ARAP1: variants seen among roughly 807,000 people sequenced by gnomAD.
ARAP1 encodes arf-GAP with Rho-GAP domain, ANK repeat and PH domain-containing protein 1.
In ARAP1, 76 loss-of-function variants were observed where a neutral mutation model predicts 172.2. The ratio of observed to expected loss-of-function variants is 0.44; its 90% CI spans 0.37 to 0.53. The LOEUF (loss-of-function observed/expected upper bound fraction) is 0.53. ARAP1 is among the 20% of genes least tolerant of loss of function. ARAP1 has a pLI of 0.00. For synonymous variants in ARAP1, 804 were observed against 803.3 expected (o/e 1.00, Z -0.01); for missense variants, 1,686 against 1,977.5 (o/e 0.85, Z 2.80).
intron 1 of ARAP1, among the ~76,000 whole-genome samples, chr11:72,748,574 C>CCCAG (rs1431159621): frequency 1.3e-5 from 2 of 152,108 alleles, no homozygotes; most frequent in Non-Finnish European, 2.9e-5. Context: ...CACGTCCCCT[C>CCCAG]CCAGCCACTC....
In ARAP1 at chr11:72,693,517, C is replaced by A. The variant is rs528821646; in HGVS notation, c.3809-47G>T. 6.3e-7 allele frequency: 1 copy of A among 1,586,812 alleles called. No homozygotes were observed. Among genetic ancestry groups the A allele is most frequent in the South Asian group, 1.1e-5 (1 of 88,064 alleles). ...GGCACAGGCTGCACCAACCCCTACCCGGGGCTGGGTCCCAGGATGAAGGAA... is the reference window on the plus strand; with the variant it reads ...GGCACAGGCTGCACCAACCCCTACCAGGGGCTGGGTCCCAGGATGAAGGAA... On this transcript the variant is annotated intron_variant, in intron 28 of 34. Coordinates refer to ENST00000393609, the MANE Select transcript of ARAP1 (RefSeq NM_001040118.3). This position sits in a 1 kb window ranked among gnomAD's most constrained non-coding sequence, Gnocchi z 4.6.
intron 16 of ARAP1, chr11:72,700,646 G>T (rs930342218): frequency 2.0e-5 from 3 of 152,260 alleles, no homozygotes; most frequent in Non-Finnish European, 4.4e-5. Flanking sequence ...GTCCCAGTGG[G>T]GTACAGAGAA....
In ARAP1 at chr11:72,711,439, G is replaced by A. The variant is rs1298226943; in HGVS notation, c.1083C>T (p.Asp361=). The A allele has an allele frequency of 1.9e-6, 3 of 1,612,574 alleles. No homozygotes were observed. Among genetic ancestry groups the A allele is most frequent in the Non-Finnish European group, 1.7e-6 (2 of 1,178,682 alleles). ...RLDTDHLRYF[D]SNKDAYSKRF... ...CTGATGCAGGCCTCACCTTGTTACT[G>A]TCAAAGTATCGCAGGTGATCAGTAT... The change falls in exon 8 of 35, where the codon GAC becomes GAT. Residue 361 remains aspartate (D), a synonymous_variant. Transcript: ENST00000393609.
intron 3 of ARAP1, 43 bp from the exon 4 acceptor site, chr11:72,714,364 C>G: frequency 6.5e-7 from 1 of 1,528,944 alleles, no homozygotes; most frequent in Non-Finnish European, 8.8e-7. Flanking sequence ...GCAACAGAGC[C>G]AAGACTGAAA....
At chr11:72,703,173 T>A in intron 14 of ARAP1, 94 bp from the exon 15 acceptor site, 34 of 1,191,238 alleles carry the variant, frequency 2.9e-5, no homozygotes, top group Non-Finnish European at 3.5e-5. Flanking sequence ...AAGGAAGGAG[T>A]CACCCAGGCC....
chr11:72,714,606 T>A (rs1857195202), intron 3 of ARAP1, among the ~76,000 whole-genome samples: 1 of 152,036 alleles, frequency 6.6e-6, no homozygotes, highest in African/African-American at 2.4e-5. Flanking sequence ...GTCTCCACAC[T>A]GAAGGAGGGA....
chr11:72,695,654 A>G lies in ARAP1; in HGVS notation c.3421-26T>C. On this transcript the variant is annotated intron_variant, in intron 24 of 34. Transcript: ENST00000393609. The surrounding 1 kb of genome is among the most constrained non-coding windows in gnomAD (Gnocchi z 4.4). The stretch of plus-strand genomic sequence containing the variant: ...CTGGGAAGGGGCGAGAGGCAGGGAC[A>G]GGTGGTCACCGTCATCTGCAAGGAT... 1 of 1,614,042 alleles carries G rather than the reference A, an allele frequency of 6.2e-7. No homozygotes were observed. Among genetic ancestry groups the G allele is most frequent in the Non-Finnish European group, 8.5e-7 (1 of 1,179,978 alleles).
rs1321172883 is a variant in ARAP1, at chr11:72,710,182, A to C, written c.1416+203T>G. Among the ~76,000 whole-genome samples, 2 of 151,374 alleles carry C rather than the reference A, an allele frequency of 1.3e-5. No individual in the cohort carries two copies. The highest frequency in any genetic ancestry group is 2.9e-5 in the Non-Finnish European group (2 of 67,818). ...CAATGAACAGAGGTGCGGGGGAGCA[A>C]GGGCCAGGGCAGGGACTGGAGGGCA... is the stretch of plus-strand genomic sequence containing the variant. On this transcript the variant is annotated intron_variant, in intron 10 of 34. Coordinates refer to ENST00000393609, the MANE Select transcript of ARAP1 (RefSeq NM_001040118.3). The surrounding 1 kb of genome is among the most constrained non-coding windows in gnomAD (Gnocchi z 4.3).
chr11:72,749,889 C>G (rs1858485431), intron 1 of ARAP1, among the ~76,000 whole-genome samples: 1 of 151,056 alleles, frequency 6.6e-6, no homozygotes. Context: ...AAAAAAAGTT[C>G]CCTCTCCCTC....
At chr11:72,744,416 C>T (rs990580548) in intron 1 of ARAP1, among the ~76,000 whole-genome samples, 5 of 152,190 alleles carry the variant, frequency 3.3e-5, no homozygotes, top group Admixed American at 6.5e-5. Context: ...CCTCCCATTC[C>T]ACCCAGTCCC....
At chr11:72,748,483 A>G (rs624030) in intron 1 of ARAP1, among the ~76,000 whole-genome samples, 107,119 of 151,204 alleles carry the variant, frequency 0.71, 38,817 homozygotes, top group African/African-American at 0.85. Context: ...TCATGCCACC[A>G]CACTTGAGCC....
In ARAP1 at chr11:72,697,235, T is replaced by G. The variant is rs368656407; in HGVS notation, c.2954-40A>C. ...GGCCAAGCGTTCGGGGCCTGAGGCA[T>G]AGAGTCATGGGGCGGGGCCGCGCAG... is the stretch of plus-strand genomic sequence containing the variant. On this transcript the variant is annotated intron_variant, in intron 21 of 34. Coordinates refer to ENST00000393609, the MANE Select transcript of ARAP1 (RefSeq NM_001040118.3). 55 of 1,587,714 alleles carry G rather than the reference T, an allele frequency of 3.5e-5. 2 individuals are homozygous for G. The Admixed American group carries it at 9.1e-4, about 26-fold the overall frequency.
chr11:72,695,282 C>T lies in ARAP1; in HGVS notation c.3576+105G>A, dbSNP rs1278365115. ...GCACCAGCCAGATACAGGTCCCAAA[C>T]TGGTCCTCTCCTCGGGGTAGAAGCA... On this transcript the variant is annotated intron_variant, in intron 26 of 34. Transcript: ENST00000393609. This position sits in a 1 kb window ranked among gnomAD's most constrained non-coding sequence, Gnocchi z 4.4. The T allele has an allele frequency of 2.7e-6, 4 of 1,491,496 alleles. No homozygotes were observed. Among genetic ancestry groups the T allele is most frequent in the Non-Finnish European group, 3.7e-6 (4 of 1,077,796 alleles). 92.4% of individuals were successfully genotyped at this position (1,491,496 alleles called of 1,614,324 possible).
In ARAP1 at chr11:72,749,885, A is replaced by AAT. The variant is rs142489578; in HGVS notation, c.-128+2442_-128+2443insAT. ...GACTCCGTCTCAAAAAAAAAAAAAA[A>AAT]GTTCCCTCTCCCTCTCTCCCCTTTC... On this transcript the variant is annotated intron_variant, in intron 1 of 34. Coordinates refer to ENST00000393609, the MANE Select transcript of ARAP1 (RefSeq NM_001040118.3). 1.1e-4 allele frequency among the ~76,000 whole-genome samples: 17 copies of AAT among 150,638 alleles called. 1 individual carries two copies. Among genetic ancestry groups the AAT allele is most frequent in the East Asian group, 3.9e-4 (2 of 5,148 alleles).
intron 1 of ARAP1, among the ~76,000 whole-genome samples, chr11:72,737,513 C>G (rs7122017): frequency 0.14 from 20,749 of 152,156 alleles, 1,776 homozygotes; most frequent in African/African-American, 0.23. Flanking sequence ...AAGAAGATGA[C>G]CCAGAGCCTT....
chr11:72,718,907 A>T lies in ARAP1; in HGVS notation c.510-4586T>A, dbSNP rs576456112. On this transcript the variant is annotated intron_variant, in intron 3 of 34. Coordinates refer to ENST00000393609, the MANE Select transcript of ARAP1 (RefSeq NM_001040118.3). ...TCCAGCACTCAGCAGGGACTTACAA[A>T]CACCTGGATTCATTAACTCTGTGTG... 1.6e-4 allele frequency among the ~76,000 whole-genome samples: 25 copies of T among 152,212 alleles called. No individual in the cohort carries two copies. The South Asian group carries it at 2.7e-3, about 16-fold the overall frequency.
chr11:72,687,244 C>T, intron 33 of ARAP1, 195 bp downstream of exon 33: 1 of 691,872 alleles, frequency 1.4e-6, no homozygotes, highest in Non-Finnish European at 2.5e-6. Context: ...CTGTCCCTAG[C>T]ATCCCTGGCT....
chr11:72,703,049 G>C lies in ARAP1; in HGVS notation c.2023C>G (p.Leu675Val). 1 of 1,595,898 alleles carries C rather than the reference G, an allele frequency of 6.3e-7. No homozygotes were observed. Among genetic ancestry groups the C allele is most frequent in the Non-Finnish European group, 8.5e-7 (1 of 1,172,746 alleles). ...CCCAGGAGCGCCTGGGTCTCAGCCA[G>C]GTCTGTGGTGGTGACTGCAGCACAC... ...ALCAAVTTTD[L>V]AETQALLGCG... Residue 675 changes from leucine (L) to valine (V), a missense_variant, in exon 15 of 35, where the codon CTG becomes GTG. Physicochemically the swap from Leu to Val is conservative, Grantham distance 32. Coordinates refer to ENST00000393609, the MANE Select transcript of ARAP1 (RefSeq NM_001040118.3).
intron 1 of ARAP1, among the ~76,000 whole-genome samples, chr11:72,743,574 T>C (rs59414438): frequency 0.024 from 3,670 of 151,856 alleles, 145 homozygotes; most frequent in African/African-American, 0.084. Context: ...ATGGGCAGAG[T>C]GAGGGAGAGT....
Sources: gnomAD v4.1 joint callset for allele counts (sites outside exome capture counted in the v4.1 genomes callset) on GRCh38, gnomAD v4.1.1 for gene constraint, Gnocchi (gnomAD v3.1) non-coding constraint, MANE v1.5 for transcripts, NCBI Gene and HGNC (gene_info 2026-07-23, HGNC 2026-07-21) for gene names.